The following KCNH1 variants were observed in gnomAD, a reference collection of about 807,000 sequenced individuals.
KCNH1 encodes potassium voltage-gated channel subfamily H member 1.
Under a neutral mutation model 69.2 loss-of-function variants are expected in KCNH1, and 27 were observed. The ratio of observed to expected loss-of-function variants is 0.39; its 90% CI spans 0.29 to 0.54. KCNH1 has a LOEUF of 0.54. KCNH1 is among the 20% of genes least tolerant of loss of function. The pLI, the probability that KCNH1 is intolerant of heterozygous loss-of-function variation, is 0.68. For missense variants in KCNH1, 798 were observed against 1,261.6 expected (o/e 0.63, Z 5.57); for synonymous variants, 456 against 487.7 (o/e 0.93, Z 0.86).
intron 8 of KCNH1, 92 bp downstream of exon 8, chr1:210,803,875 C>A: frequency 1.8e-6 from 2 of 1,111,566 alleles, no homozygotes; most frequent in Non-Finnish European, 2.6e-6. Flanking sequence ...CTGAGCACAG[C>A]CAGGTTTGAC....
At chr1:211,019,747 T>C (rs754973904) in intron 5 of KCNH1, among the ~76,000 whole-genome samples, 10 of 152,340 alleles carry the variant, frequency 6.6e-5, no homozygotes, top group Non-Finnish European at 1.0e-4. Flanking sequence ...ATAGACTATA[T>C]GTGAGATGAC....
chr1:210,729,368 T>A (rs968820124), intron 10 of KCNH1, among the ~76,000 whole-genome samples: 1 of 152,204 alleles, frequency 6.6e-6, no homozygotes. Context: ...AAGGGAAGCT[T>A]CTGGTAGAAA....
At chr1:211,004,974 C>T (rs1689250137) in intron 6 of KCNH1, among the ~76,000 whole-genome samples, 1 of 151,552 alleles carries the variant, frequency 6.6e-6, no homozygotes, top group South Asian at 2.1e-4. Context: ...TCTTTGGAAA[C>T]ATTTAATAAT....
At chr1:210,873,498 C>T (rs1686295647) in intron 7 of KCNH1, among the ~76,000 whole-genome samples, 3 of 152,058 alleles carry the variant, frequency 2.0e-5, no homozygotes, top group Admixed American at 2.0e-4. Context: ...CAGGTGCATG[C>T]CACTGTGCCC....
chr1:210,921,104 T>C (rs1434374616), intron 6 of KCNH1, among the ~76,000 whole-genome samples: 1 of 152,204 alleles, frequency 6.6e-6, no homozygotes, highest in Non-Finnish European at 1.5e-5. Context: ...CTCTAGACAA[T>C]GAGAGGTGGA....
At chr1:210,923,886 C>A (rs200043564) in intron 6 of KCNH1, among the ~76,000 whole-genome samples, 10 of 152,132 alleles carry the variant, frequency 6.6e-5, no homozygotes, top group Admixed American at 5.9e-4. Flanking sequence ...CAGAATGTGA[C>A]CTCATTTGGA....
intron 1 of KCNH1, among the ~76,000 whole-genome samples, chr1:211,128,213 C>T (rs544441035): frequency 1.3e-4 from 20 of 148,970 alleles, no homozygotes; most frequent in African/African-American, 4.7e-4. Context: ...TGCTTGAACC[C>T]GGGAGGCGGA....
intron 7 of KCNH1, chr1:210,859,874 A>G (rs1056738700): frequency 1.5e-4 from 179 of 1,231,500 alleles, no homozygotes; most frequent in Middle Eastern, 1.2e-3. Flanking sequence ...GGAAGTGAAG[A>G]TTTTCTAAGG....
intron 9 of KCNH1, among the ~76,000 whole-genome samples, chr1:210,779,532 G>T (rs1405120794): frequency 2.6e-5 from 4 of 152,142 alleles, no homozygotes; most frequent in Admixed American, 1.3e-4. Flanking sequence ...ACCCACATTT[G>T]TTTCTTGTTT....
At chr1:210,760,034 G>C (rs983473346) in intron 10 of KCNH1, among the ~76,000 whole-genome samples, 1 of 152,096 alleles carries the variant, frequency 6.6e-6, no homozygotes, top group South Asian at 2.1e-4. Flanking sequence ...AGCTGTGCAC[G>C]CGAGGAATCT....
At chr1:210,850,933 T>A (rs1276932815) in intron 7 of KCNH1, among the ~76,000 whole-genome samples, 1 of 152,212 alleles carries the variant, frequency 6.6e-6, no homozygotes, top group African/African-American at 2.4e-5. Context: ...TCTCATTTCA[T>A]GCACAAAAAG....
At chr1:210,872,878 C>T (rs887616898) in intron 7 of KCNH1, among the ~76,000 whole-genome samples, 8 of 152,148 alleles carry the variant, frequency 5.3e-5, no homozygotes, top group Admixed American at 3.3e-4. Flanking sequence ...AACCATATCA[C>T]GTGGTTTTTC....
chr1:211,039,084 G>A (rs1168953018), intron 5 of KCNH1, among the ~76,000 whole-genome samples: 1 of 152,154 alleles, frequency 6.6e-6, no homozygotes, highest in Admixed American at 6.5e-5. Context: ...TGGGCCCAGG[G>A]TCCCTGTGCT....
rs545172528 is a variant in KCNH1 at position 210,976,354 on chromosome 1, T to C, written c.1032+42429A>G. 8.9e-5 allele frequency among the ~76,000 whole-genome samples: 13 copies of C among 146,466 alleles called. 2 individuals are homozygous for C. The highest frequency in any genetic ancestry group is 3.2e-4 in the African/African-American group (13 of 40,382). ...AGCAAAGACTTGGAACCAACCCAAA[T>C]GTCCATCAATGATAGACTAGATTAA... On this transcript the variant is annotated intron_variant, in intron 6 of 10. Transcript: ENST00000271751.
intron 7 of KCNH1, among the ~76,000 whole-genome samples, chr1:210,822,542 G>T (rs755607228): frequency 6.6e-6 from 1 of 152,044 alleles, no homozygotes; most frequent in Non-Finnish European, 1.5e-5. Flanking sequence ...CACTTAGAAG[G>T]TCCTATGCTT....
chr1:210,826,037 T>C (rs1470562343), intron 7 of KCNH1, among the ~76,000 whole-genome samples: 1 of 152,232 alleles, frequency 6.6e-6, no homozygotes, highest in Non-Finnish European at 1.5e-5. Context: ...TTATGTCTGC[T>C]GAATCTAATA....
chr1:210,756,531 G>A (rs1321029789), intron 10 of KCNH1, among the ~76,000 whole-genome samples: 1 of 152,222 alleles, frequency 6.6e-6, no homozygotes, highest in East Asian at 1.9e-4. Flanking sequence ...GTTGCAAGAG[G>A]TTTTTTAAAA....
chr1:210,715,592 C>T (rs115803819), intron 10 of KCNH1, among the ~76,000 whole-genome samples: 4,359 of 151,866 alleles, frequency 0.029, 212 homozygotes, highest in African/African-American at 0.097. Flanking sequence ...TAAAAACATC[C>T]CCAGAAGTTT....
intron 6 of KCNH1, among the ~76,000 whole-genome samples, chr1:211,004,708 T>C (rs1259134570): frequency 1.3e-5 from 2 of 152,066 alleles, no homozygotes; most frequent in Non-Finnish European, 2.9e-5. Context: ...AAGACAAGTG[T>C]GTCAGAGTGG....
Sources: allele counts gnomAD v4.1 joint callset (sites outside exome capture counted in the v4.1 genomes callset), GRCh38; gene constraint gnomAD v4.1.1; transcripts MANE v1.5; gene names NCBI Gene and HGNC (gene_info 2026-07-23, HGNC 2026-07-21).